CAVIN1: variants seen among roughly 807,000 people sequenced by gnomAD.
The protein encoded by CAVIN1 is caveolae associated protein 1.
Under a neutral mutation model 24.0 loss-of-function variants are expected in CAVIN1, and 16 were observed. That is an observed-to-expected ratio of 0.67 (90% CI 0.45 to 1.01). The LOEUF (loss-of-function observed/expected upper bound fraction) is 1.01. CAVIN1 is among the 50% of genes least tolerant of loss of function. CAVIN1 has a pLI of 0.00. For missense variants in CAVIN1, 510 were observed against 551.7 expected (o/e 0.92, Z 0.76); for synonymous variants, 256 against 256.4 (o/e 1.00, Z 0.02).
rs1220711839 is a variant in CAVIN1 at position 42,405,122 on chromosome 17, C to T, written c.738G>A (p.Val246=). Residue 246 remains valine, a synonymous_variant, in exon 2 of 2, where the codon GTG becomes GTA. Transcript: ENST00000357037. ...FSKEKMEKTK[V]RTRENLEKTR... ...TCTTCTCCAGGTTCTCGCGGGTACG[C>T]ACCTTGGTCTTCTCCATCTTCTCCT... 2 of 1,613,732 alleles carry T rather than the reference C, an allele frequency of 1.2e-6. No individual in the cohort carries two copies. The highest frequency in any genetic ancestry group is 1.7e-6 in the Non-Finnish European group (2 of 1,179,966).
Position 42,404,895 on chromosome 17 carries a change from G to A in CAVIN1, c.965C>T (p.Thr322Ile). 2 of 1,614,060 alleles carry A rather than the reference G, an allele frequency of 1.2e-6. No individual in the cohort carries two copies. Among genetic ancestry groups the A allele is most frequent in the Non-Finnish European group, 1.7e-6 (2 of 1,179,956 alleles). Residue 322 changes from threonine (T) to isoleucine (I), a missense_variant, in exon 2 of 2, where the codon ACC (threonine) becomes ATC (isoleucine). Transcript: ENST00000357037. ...CTCGCGGATCTTCTTGACGTGGAAG[G>A]TGAAGGGTGGCACCTTGTAGACCGC... ...KTAVYKVPPF[T>I]FHVKKIREGQ...
At position 42,402,870 on chromosome 17, in the gene CAVIN1, C is replaced by T. The variant is rs900716039; in HGVS notation, c.*1817G>A. The T allele has an allele frequency of 4.6e-5, 7 of 152,184 alleles. No individual in the cohort carries two copies. The highest frequency in any genetic ancestry group is 1.7e-4 in the African/African-American group (7 of 41,396). 9.4% of individuals were successfully genotyped at this position (152,184 alleles called of 1,614,324 possible). On this transcript the variant is annotated 3_prime_UTR_variant, in exon 2 of 2. Coordinates refer to ENST00000357037, the MANE Select transcript of CAVIN1 (RefSeq NM_012232.6). The stretch of plus-strand genomic sequence containing the variant: ...GGGCTGTTCTTGCTTCTGACAAACC[C>T]CCTTTAATGGGGAGGAACAAGGGGA...
intron 1 of CAVIN1, among the ~76,000 whole-genome samples, chr17:42,408,483 T>C (rs1413705216): frequency 5.2e-5 from 3 of 57,904 alleles, no homozygotes; most frequent in Admixed American, 2.7e-4. Flanking sequence ...AGGAGGTTTT[T>C]GTTTTTTAGT....
In CAVIN1 at chr17:42,404,266, A is replaced by C. The variant is rs1164756532; in HGVS notation, c.*421T>G. ...AGGATTCAATCTTTCCTCTTTGGGC[A>C]GTTTTGGCTTTGAGTCCCCCAGGGA... On this transcript the variant is annotated 3_prime_UTR_variant, in exon 2 of 2. Transcript: ENST00000357037. 4 of 158,088 alleles carry C rather than the reference A, an allele frequency of 2.5e-5. No individual in the cohort carries two copies. Among genetic ancestry groups the C allele is most frequent in the East Asian group, 3.7e-4 (2 of 5,454 alleles). The allele number at this position is 158,088 out of a possible 1,614,324, so 9.8% of individuals were successfully genotyped here.
chr17:42,422,097 C>T (rs1046910144), intron 1 of CAVIN1, among the ~76,000 whole-genome samples: 4 of 152,122 alleles, frequency 2.6e-5, no homozygotes, highest in African/African-American at 9.7e-5. Flanking sequence ...TCGCGTTCCC[C>T]GCTTGGCACA....
chr17:42,420,691 G>A (rs2085539763), intron 1 of CAVIN1, among the ~76,000 whole-genome samples: 1 of 152,154 alleles, frequency 6.6e-6, no homozygotes, highest in Non-Finnish European at 1.5e-5. Flanking sequence ...AGAACAGAGG[G>A]ATGCCAGTGG....
chr17:42,405,227 C>T lies in CAVIN1; in HGVS notation c.633G>A (p.Glu211=). ...LSSDEAVEVE[E]VIEESRAERI... The stretch of plus-strand genomic sequence containing the variant: ...GCTCTGCGCGGGACTCCTCAATAAC[C>T]TCCTCAACCTCCACCGCCTCGTCCG... Residue 211 remains glutamate (E), a synonymous_variant, in exon 2 of 2, where the codon GAG becomes GAA. Transcript: ENST00000357037. The T allele has an allele frequency of 6.2e-7, 1 of 1,613,906 alleles. No homozygotes were observed. Among genetic ancestry groups the T allele is most frequent in the Non-Finnish European group, 8.5e-7 (1 of 1,179,954 alleles).
intron 1 of CAVIN1, among the ~76,000 whole-genome samples, chr17:42,410,976 T>A (rs2085472761): frequency 7.0e-6 from 1 of 143,116 alleles, no homozygotes; most frequent in South Asian, 2.2e-4. Flanking sequence ...TCCCAGAATT[T>A]TGGGAGGCGG....
chr17:42,418,459 C>A (rs1447552130), intron 1 of CAVIN1, among the ~76,000 whole-genome samples: 1 of 151,744 alleles, frequency 6.6e-6, no homozygotes, highest in Admixed American at 6.6e-5. Context: ...TCGAACTCCC[C>A]ACCTCAGGTG....
At chr17:42,407,987 CATCTCCACCCAGAATT>C (rs2085455406) in intron 1 of CAVIN1, among the ~76,000 whole-genome samples, 1 of 152,000 alleles carries the variant, frequency 6.6e-6, no homozygotes. Context: ...CCTCTTCATC[CATCTCCACCCAGAATT>C]TACCTGCAGC....
intron 1 of CAVIN1, chr17:42,412,084 C>T (rs1002535599): frequency 8.1e-6 from 8 of 985,194 alleles, no homozygotes; most frequent in African/African-American, 7.0e-5. Context: ...TGGGGTGGGC[C>T]GGGGCCCAGG....
At chr17:42,415,487 C>T (rs569499765) in intron 1 of CAVIN1, among the ~76,000 whole-genome samples, 5 of 151,198 alleles carry the variant, frequency 3.3e-5, no homozygotes, top group Admixed American at 2.0e-4. Flanking sequence ...CTGAGGCAGA[C>T]GGATTGCTTG....
chr17:42,412,410 T>A (rs1327973455), intron 1 of CAVIN1, among the ~76,000 whole-genome samples: 15 of 144,738 alleles, frequency 1.0e-4, no homozygotes, highest in African/African-American at 3.9e-4. Flanking sequence ...TTTTTTTTTT[T>A]AGAAATGGGG....
chr17:42,416,627 G>A lies in CAVIN1; in HGVS notation c.471+6000C>T, dbSNP rs555459980. Among the ~76,000 whole-genome samples the A allele has an allele frequency of 2.8e-3, 425 of 150,092 alleles. 5 individuals carry two copies. The highest frequency in any genetic ancestry group is 1.0e-2 in the African/African-American group (409 of 40,902). On this transcript the variant is annotated intron_variant, in intron 1 of 1. Transcript: ENST00000357037. Reference sequence around the variant, plus strand: ...AAAAAAAAAAAAAAAAAGGGAGGGAGGAACCCAGGGATAGCATGATTTCCT... The same window carrying A: ...AAAAAAAAAAAAAAAAAGGGAGGGAAGAACCCAGGGATAGCATGATTTCCT...
chr17:42,422,581 G>A (rs1420660213), intron 1 of CAVIN1, 46 bp downstream of exon 1: 4 of 1,471,134 alleles, frequency 2.7e-6, no homozygotes, highest in East Asian at 2.5e-5. Context: ...CAGGGGACGC[G>A]GGCCGGGCGC....
chr17:42,415,849 G>A (rs1419317916), intron 1 of CAVIN1, among the ~76,000 whole-genome samples: 3 of 152,124 alleles, frequency 2.0e-5, no homozygotes, highest in Non-Finnish European at 4.4e-5. Context: ...TCCTACTTCT[G>A]AGGTTAGTTG....
In CAVIN1 at chr17:42,402,890, A is replaced by T. The variant is rs2085420471; in HGVS notation, c.*1797T>A. ...AAACCCCCTTTAATGGGGAGGAACAAGGGGACTCGTGTCTTGAGAACCTGG... is the reference window on the plus strand; with the variant it reads ...AAACCCCCTTTAATGGGGAGGAACATGGGGACTCGTGTCTTGAGAACCTGG... On this transcript the variant is annotated 3_prime_UTR_variant, in exon 2 of 2. Transcript: ENST00000357037. 1.3e-5 allele frequency: 2 copies of T among 152,212 alleles called. No individual in the cohort carries two copies. The highest frequency in any genetic ancestry group is 4.1e-4 in the South Asian group (2 of 4,826). 9.4% of individuals were successfully genotyped at this position (152,212 alleles called of 1,614,324 possible). A position where few individuals can be genotyped will look rare whatever the true frequency, so the allele number is the denominator to read the frequency against.
intron 1 of CAVIN1, among the ~76,000 whole-genome samples, chr17:42,413,883 C>T (rs1238137641): frequency 6.6e-6 from 1 of 152,106 alleles, no homozygotes; most frequent in Non-Finnish European, 1.5e-5. Context: ...CAGACTCTGC[C>T]AATCCCAGTT....
rs575886095 is a variant in CAVIN1 at position 42,406,732 on chromosome 17, A to G, written c.472-1344T>C. Among the ~76,000 whole-genome samples the G allele has an allele frequency of 4.7e-4, 70 of 148,946 alleles. 1 individual carries two copies. The highest frequency in any genetic ancestry group is 1.7e-3 in the African/African-American group (70 of 40,346). ...GGAGAACTGTGGTCCACCCTCCCCC[A>G]CCTCCACCTTCTTTGACTCCTTCAT... On this transcript the variant is annotated intron_variant, in intron 1 of 1. Transcript: ENST00000357037.
Sources: allele counts gnomAD v4.1 joint callset (sites outside exome capture counted in the v4.1 genomes callset), GRCh38; gene constraint gnomAD v4.1.1; transcripts MANE v1.5; gene names NCBI Gene and HGNC (gene_info 2026-07-23, HGNC 2026-07-21).